ITGBL1: variants seen among roughly 807,000 people sequenced by gnomAD.
ITGBL1 encodes integrin subunit beta like 1, also known as integrin beta-like protein 1.
In ITGBL1, 51 loss-of-function variants were observed where a neutral mutation model predicts 68.5. That is an observed-to-expected ratio of 0.74 (90% CI 0.59 to 0.94). The LOEUF (loss-of-function observed/expected upper bound fraction) is 0.94, where lower values mean the gene tolerates loss of function less well. ITGBL1 is among the 40% of genes least tolerant of loss of function. The pLI is 0.00. For missense variants in ITGBL1, 649 were observed against 647.4 expected (o/e 1.00, Z -0.03); for synonymous variants, 209 against 227.3 (o/e 0.92, Z 0.72).
intron 7 of ITGBL1, among the ~76,000 whole-genome samples, chr13:101,628,243 T>C (rs1378215329): frequency 6.6e-6 from 1 of 152,212 alleles, no homozygotes; most frequent in East Asian, 1.9e-4. Context: ...TCTGTATGTT[T>C]TCTTTAATAA....
At chr13:101,554,872 A>G (rs2049980458) in intron 2 of ITGBL1, among the ~76,000 whole-genome samples, 1 of 152,202 alleles carries the variant, frequency 6.6e-6, no homozygotes, top group Non-Finnish European at 1.5e-5. Context: ...GTCATTAATT[A>G]CATTCTCTTG....
chr13:101,665,809 C>CTGGT, intron 7 of ITGBL1, among the ~76,000 whole-genome samples: 2 of 152,058 alleles, frequency 1.3e-5, no homozygotes, highest in Non-Finnish European at 2.9e-5. Context: ...TGCCTAATAA[C>CTGGT]AAGAACTATC....
At chr13:101,544,887 G>A (rs559569385) in intron 2 of ITGBL1, among the ~76,000 whole-genome samples, 54 of 152,336 alleles carry the variant, frequency 3.5e-4, no homozygotes, top group Middle Eastern at 6.8e-3. Context: ...TGTGCCGTTT[G>A]CTAAGACCAT....
chr13:101,460,193 T>C (rs1306650312), intron 2 of ITGBL1, among the ~76,000 whole-genome samples: 1 of 152,080 alleles, frequency 6.6e-6, no homozygotes, highest in Non-Finnish European at 1.5e-5. Flanking sequence ...TACCGCCCCC[T>C]CTCTTTCGCA....
chr13:101,473,117 C>T (rs1025397024), intron 2 of ITGBL1, among the ~76,000 whole-genome samples: 3 of 152,142 alleles, frequency 2.0e-5, no homozygotes, highest in Non-Finnish European at 4.4e-5. Context: ...CTAGAACCCT[C>T]CAATGATCAT....
Position 101,622,461 on chromosome 13 carries a change from A to G in ITGBL1, c.1015+24162A>G, listed in dbSNP as rs2031621554. 2.0e-5 allele frequency among the ~76,000 whole-genome samples: 3 copies of G among 152,126 alleles called. No homozygotes were observed. In the South Asian group the frequency reaches 6.2e-4, roughly 32 times the overall value. On this transcript the variant is annotated intron_variant, in intron 7 of 10. Transcript: ENST00000376180. ...AAGCCTGAAAAAAATGCAACCTCAC[A>G]TGTAGCTGTGATCACATTTTCCTCC... is the stretch of plus-strand genomic sequence containing the variant.
intron 2 of ITGBL1, among the ~76,000 whole-genome samples, chr13:101,531,681 G>T (rs953794890): frequency 2.1e-5 from 3 of 145,330 alleles, no homozygotes; most frequent in African/African-American, 5.2e-5. Context: ...TTTCTTGAAG[G>T]TTTTATTTTT....
At chr13:101,551,070 C>T (rs2139211890) in intron 2 of ITGBL1, among the ~76,000 whole-genome samples, 1 of 152,144 alleles carries the variant, frequency 6.6e-6, no homozygotes, top group East Asian at 1.9e-4. Context: ...CCTCTGTCAT[C>T]ATGTAGGCAT....
chr13:101,624,366 A>C (rs929606581), intron 7 of ITGBL1, among the ~76,000 whole-genome samples: 3 of 152,160 alleles, frequency 2.0e-5, no homozygotes, highest in Non-Finnish European at 4.4e-5. Flanking sequence ...TTTATGCCCC[A>C]ATAACTACAC....
chr13:101,485,313 G>A (rs35167193), intron 2 of ITGBL1, among the ~76,000 whole-genome samples: 36,609 of 152,020 alleles, frequency 0.24, 4,909 homozygotes, highest in East Asian at 0.48. Flanking sequence ...GTAAATATAT[G>A]TGGTGCATTT....
intron 7 of ITGBL1, among the ~76,000 whole-genome samples, chr13:101,604,403 TATG>T (rs777907359): frequency 6.6e-6 from 1 of 151,970 alleles, no homozygotes; most frequent in South Asian, 2.1e-4. Flanking sequence ...TGTATAGAAT[TATG>T]ATTTTTAAAA....
chr13:101,467,002 A>G (rs1220763809), intron 2 of ITGBL1, among the ~76,000 whole-genome samples: 1 of 152,186 alleles, frequency 6.6e-6, no homozygotes, highest in African/African-American at 2.4e-5. Flanking sequence ...GATTCAGTGT[A>G]TGGTGAGGGC....
At chr13:101,481,135 CAT>C (rs1403719962) in intron 2 of ITGBL1, among the ~76,000 whole-genome samples, 1 of 140,944 alleles carries the variant, frequency 7.1e-6, no homozygotes, top group African/African-American at 2.6e-5. Flanking sequence ...TACACATGTG[CAT>C]ATATATATGT....
intron 2 of ITGBL1, among the ~76,000 whole-genome samples, chr13:101,519,632 G>A (rs889903873): frequency 4.6e-5 from 7 of 151,956 alleles, no homozygotes; most frequent in East Asian, 1.9e-4. Flanking sequence ...AAATGCATGC[G>A]TTTTTCCTTC....
chr13:101,561,429 G>A (rs912434563), intron 2 of ITGBL1, among the ~76,000 whole-genome samples: 1 of 152,042 alleles, frequency 6.6e-6, no homozygotes, highest in African/African-American at 2.4e-5. Context: ...TTGCTCTTAG[G>A]GCACTTGTAA....
intron 2 of ITGBL1, among the ~76,000 whole-genome samples, chr13:101,512,418 AT>A (rs1292837683): frequency 6.6e-6 from 1 of 152,194 alleles, no homozygotes; most frequent in African/African-American, 2.4e-5. Context: ...AAATTTAGAA[AT>A]GTGGATTTAG....
chr13:101,712,267 A>G (rs1416548719), intron 9 of ITGBL1: 1 of 152,240 alleles, frequency 6.6e-6, no homozygotes, highest in Non-Finnish European at 1.5e-5. Flanking sequence ...CTACTGTTTC[A>G]TGACACATAC....
chr13:101,662,090 T>G (rs1020775957), intron 7 of ITGBL1, among the ~76,000 whole-genome samples: 1 of 152,196 alleles, frequency 6.6e-6, no homozygotes, highest in African/African-American at 2.4e-5. Flanking sequence ...TCTCTTTTAT[T>G]GCCTTCATTT....
At chr13:101,678,025 T>C (rs2033547639) in intron 7 of ITGBL1, among the ~76,000 whole-genome samples, 1 of 152,234 alleles carries the variant, frequency 6.6e-6, no homozygotes, top group Non-Finnish European at 1.5e-5. Flanking sequence ...ACATAAATTA[T>C]ATATAGTTTT....
Sources: gnomAD v4.1 joint callset for allele counts (sites outside exome capture counted in the v4.1 genomes callset) on GRCh38, gnomAD v4.1.1 for gene constraint, MANE v1.5 for transcripts, NCBI Gene and HGNC (gene_info 2026-07-23, HGNC 2026-07-21) for gene names.